The following ANKRD2 variants were observed in gnomAD, a reference collection of about 807,000 sequenced individuals.
ANKRD2 encodes ankyrin repeat domain 2, also known as ankyrin repeat domain-containing protein 2.
A neutral mutation model predicts 37.3 loss-of-function variants in ANKRD2; 35 were observed. The ratio of observed to expected loss-of-function variants is 0.94; its 90% CI spans 0.72 to 1.24. The LOEUF (loss-of-function observed/expected upper bound fraction) is 1.24, where lower values mean the gene tolerates loss of function less well. ANKRD2 is among the 50% of genes most tolerant of loss of function. ANKRD2 has a pLI of 0.00. For missense variants in ANKRD2, 410 were observed against 445.6 expected (o/e 0.92, Z 0.72); for synonymous variants, 159 against 186.5 (o/e 0.85, Z 1.20).
Position 97,583,780 on chromosome 10 carries a change from G to T in ANKRD2, c.*55G>T. ...GCCCCTCTCTGTGTGCAGCCGGAGGGTCCTAAGAATGGCTCCCGGAGCTAA... is the reference window on the plus strand; with the variant it reads ...GCCCCTCTCTGTGTGCAGCCGGAGGTTCCTAAGAATGGCTCCCGGAGCTAA... On this transcript the variant is annotated 3_prime_UTR_variant, in exon 9 of 9. Transcript: ENST00000370655. 1 of 1,439,868 alleles carries T rather than the reference G, an allele frequency of 6.9e-7. No homozygotes were observed. Among genetic ancestry groups the T allele is most frequent in the Non-Finnish European group, 9.1e-7 (1 of 1,096,134 alleles). 89.2% of individuals were successfully genotyped at this position (1,439,868 alleles called of 1,614,324 possible). A position where few individuals can be genotyped will look rare whatever the true frequency, so the allele number is the denominator to read the frequency against.
intron 4 of ANKRD2, among the ~76,000 whole-genome samples, chr10:97,580,081 T>G (rs942422717): frequency 6.6e-6 from 1 of 152,228 alleles, no homozygotes; most frequent in African/African-American, 2.4e-5. Context: ...CTTTCTGTTC[T>G]TTAGACTCCA....
At chr10:97,579,619 G>T (rs1416549669) in intron 4 of ANKRD2, among the ~76,000 whole-genome samples, 1 of 143,370 alleles carries the variant, frequency 7.0e-6, no homozygotes, top group African/African-American at 2.6e-5. Flanking sequence ...ATGGAGTCTT[G>T]CTCTGTCCCC....
At position 97,578,247 on chromosome 10, in the gene ANKRD2, A is replaced by G. The variant is rs1426848875; in HGVS notation, c.197A>G (p.Glu66Gly). The G allele has an allele frequency of 6.2e-7, 1 of 1,611,754 alleles. No individual in the cohort carries two copies. Among genetic ancestry groups the G allele is most frequent in the South Asian group, 1.1e-5 (1 of 91,034 alleles). ...ATGGGCCATCCCGCGCAGGGCCAAG[A>G]GCGCGTGCGCAAGACGTCCCTGGAC... is the stretch of plus-strand genomic sequence containing the variant. ...SAALQKVKGQ[E>G]RVRKTSLDLR... is the part of the protein sequence containing the mutation. The change falls in exon 3 of 9, where the codon GAG becomes GGG. Residue 66 changes from glutamate to glycine, a missense_variant. Transcript: ENST00000370655.
At chr10:97,580,661 C>T (rs1037949269) in intron 4 of ANKRD2, among the ~76,000 whole-genome samples, 194 bp from the exon 5 acceptor site, 5 of 152,118 alleles carry the variant, frequency 3.3e-5, no homozygotes, top group African/African-American at 4.8e-5. Context: ...GTGAGAAGGT[C>T]GGGTTCCCTG....
At chr10:97,573,592 A>G (rs1459463388) in intron 1 of ANKRD2, among the ~76,000 whole-genome samples, 1 of 151,740 alleles carries the variant, frequency 6.6e-6, no homozygotes, top group Admixed American at 6.6e-5. Context: ...ATGCCTGGCT[A>G]ATTTTTGTAT....
At chr10:97,578,144 G>GGCCCCCCCCCCCCCCCCCCCC in intron 2 of ANKRD2, 96 bp from the exon 3 acceptor site, 10 of 685,434 alleles carry the variant, frequency 1.5e-5, no homozygotes, top group Non-Finnish European at 1.7e-5. Context: ...GGGTCTTCCT[G>GGCCCCCCCCCCCCCCCCCCCC]CCCACCCCAC....
At chr10:97,576,528 C>T (rs1453744341) in intron 1 of ANKRD2, among the ~76,000 whole-genome samples, 2 of 151,494 alleles carry the variant, frequency 1.3e-5, no homozygotes, top group African/African-American at 2.4e-5. Flanking sequence ...CTTCACAGAT[C>T]AGTGAAATCT....
At chr10:97,572,602 G>A (rs1369125502), upstream of ANKRD2, 4 of 1,374,696 alleles carry the variant, frequency 2.9e-6, no homozygotes, top group East Asian at 2.5e-5. Flanking sequence ...GAGTTGGGGG[G>A]GCAACTGGCT....
rs766898912 is a variant in ANKRD2 at position 97,583,530 on chromosome 10, C to T, written c.853-46C>T. 2.6e-6 allele frequency: 4 copies of T among 1,520,110 alleles called. No individual in the cohort carries two copies. The South Asian group carries it at 3.8e-5, about 14-fold the overall frequency. 94.2% of individuals were successfully genotyped at this position (1,520,110 alleles called of 1,614,324 possible). ...CTGTGAAAGCCTTCAGGACAGTTAA[C>T]AGATTTTCTCTTGCCAACCCCCACG... On this transcript the variant is annotated intron_variant, in intron 8 of 8. Transcript: ENST00000370655.
upstream of ANKRD2, chr10:97,572,544 T>C: frequency 1.1e-6 from 1 of 869,676 alleles, no homozygotes; most frequent in Non-Finnish European, 1.7e-6. Context: ...GGCTCCTTCC[T>C]GCACCCCTGC....
chr10:97,578,368 G>T lies in ANKRD2; in HGVS notation c.318G>T (p.Ser106=). 3 of 1,613,760 alleles carry T rather than the reference G, an allele frequency of 1.9e-6. No homozygotes were observed. The highest frequency in any genetic ancestry group is 2.2e-5 in the East Asian group (1 of 44,836). Residue 106 remains serine (S), a synonymous_variant, in exon 3 of 9, where the codon TCG becomes TCT. Coordinates refer to ENST00000370655, the MANE Select transcript of ANKRD2 (RefSeq NM_001346793.2). ...KQKKRDALAA[S]HEPPPEPEEI... ...AGAAGCGGGACGCTCTGGCCGCCTC[G>T]CATGAGCCGCCCCCAGAGCCCGAGG... is the stretch of plus-strand genomic sequence containing the variant.
intron 4 of ANKRD2, 98 bp from the exon 5 acceptor site, chr10:97,580,757 G>T: frequency 2.3e-6 from 2 of 858,972 alleles, no homozygotes; most frequent in Non-Finnish European, 1.8e-6. Flanking sequence ...ACAGGGGTGA[G>T]AATCAAGCTG....
chr10:97,583,268 T>G (rs2040926376), intron 8 of ANKRD2, among the ~76,000 whole-genome samples: 1 of 151,736 alleles, frequency 6.6e-6, no homozygotes, highest in Non-Finnish European at 1.5e-5. Context: ...AGCAGGAAAA[T>G]ATGGAGAAGG....
chr10:97,574,024 A>G lies in ANKRD2; in HGVS notation c.87+1149A>G, dbSNP rs1030863262. Among the ~76,000 whole-genome samples, 5 of 151,880 alleles carry G rather than the reference A, an allele frequency of 3.3e-5. No individual in the cohort carries two copies. The South Asian group carries it at 1.0e-3, about 32-fold the overall frequency. ...GCCAGGTGCAGTGGCTCAAGCCTGT[A>G]ATCCCAGCATTTTGAGATCTGAGAT... On this transcript the variant is annotated intron_variant, in intron 1 of 8. Coordinates refer to ENST00000370655, the MANE Select transcript of ANKRD2 (RefSeq NM_001346793.2).
At position 97,583,682 on chromosome 10, in the gene ANKRD2, A is replaced by G. The variant is rs1489531296; in HGVS notation, c.959A>G (p.Asn320Ser). Residue 320 changes from asparagine to serine, a missense_variant, in exon 9 of 9, where the codon AAT (asparagine) becomes AGT (serine). By Grantham distance (46) the Asn-to-Ser change is conservative. Coordinates refer to ENST00000370655, the MANE Select transcript of ANKRD2 (RefSeq NM_001346793.2). ...GAGCATAACGGGCTGGAGGGGCCTA[A>G]TGATAGTGGGCGAGAGACCCCTCAG... Reference protein sequence around the residue: ...GAEHNGLEGPNDSGRETPQPV... With the variant: ...GAEHNGLEGPSDSGRETPQPV... The G allele has an allele frequency of 1.3e-6, 2 of 1,598,904 alleles. No individual in the cohort carries two copies. Among genetic ancestry groups the G allele is most frequent in the Non-Finnish European group, 1.7e-6 (2 of 1,173,482 alleles).
At chr10:97,582,514 C>T (rs1170126822) in intron 7 of ANKRD2, 90 bp from the exon 8 acceptor site, 3 of 1,561,962 alleles carry the variant, frequency 1.9e-6, no homozygotes, top group African/African-American at 2.7e-5. Context: ...CAGGACTTGG[C>T]TCCTGAGCAG....
At position 97,580,953 on chromosome 10, in the gene ANKRD2, GGTGA is replaced by G; in HGVS notation, c.555+6_555+9del. 1.9e-6 allele frequency: 3 copies of G among 1,584,630 alleles called. No homozygotes were observed. Among genetic ancestry groups the G allele is most frequent in the Non-Finnish European group, 2.6e-6 (3 of 1,165,160 alleles). On this transcript the variant is annotated splice_donor_variant and splice_donor_region_variant and intron_variant, in intron 5 of 8. Coordinates refer to ENST00000370655, the MANE Select transcript of ANKRD2 (RefSeq NM_001346793.2). LOFTEE classifies it high-confidence loss of function. Reference sequence around the variant, plus strand: ...GGGCCACTGTGGACTTCCAGGATCGGGTGAGTGAGAGGGCAGGTATTCAATGGGA... The same window carrying G: ...GGGCCACTGTGGACTTCCAGGATCGGGTGAGAGGGCAGGTATTCAATGGGA...
chr10:97,579,052 C>T (rs2040864708), intron 4 of ANKRD2, among the ~76,000 whole-genome samples: 1 of 152,102 alleles, frequency 6.6e-6, no homozygotes, highest in Non-Finnish European at 1.5e-5. Flanking sequence ...CACTGTGGCT[C>T]ACGTCTGTAA....
chr10:97,573,653 C>T (rs1052011352), intron 1 of ANKRD2, among the ~76,000 whole-genome samples: 5 of 152,300 alleles, frequency 3.3e-5, no homozygotes, highest in African/African-American at 1.2e-4. Flanking sequence ...TCTCAAACTC[C>T]TGGCCTCAGA....
Sources: gnomAD v4.1 joint callset for allele counts (sites outside exome capture counted in the v4.1 genomes callset) on GRCh38, gnomAD v4.1.1 for gene constraint, MANE v1.5 for transcripts, NCBI Gene and HGNC (gene_info 2026-07-23, HGNC 2026-07-21) for gene names.